The following TNFSF4 variants were observed in gnomAD, a reference collection of about 807,000 sequenced individuals.
TNFSF4 encodes the protein tumor necrosis factor ligand superfamily member 4.
Under a neutral mutation model 7.3 loss-of-function variants are expected in TNFSF4, and 4 were observed. The ratio of observed to expected loss-of-function variants is 0.55; its 90% CI spans 0.27 to 1.25. The LOEUF (loss-of-function observed/expected upper bound fraction) is 1.25. TNFSF4 is among the 50% of genes most tolerant of loss of function. The pLI, the probability that TNFSF4 is intolerant of heterozygous loss-of-function variation, is 0.12. For missense variants in TNFSF4, 181 were observed against 208.8 expected, an observed-to-expected ratio of 0.87 and a Z score of 0.82; for synonymous variants, 76 against 83.7, an observed-to-expected ratio of 0.91 and a Z score of 0.50.
chr1:173,231,229 T>C, the TNFSF4 span, among the ~76,000 whole-genome samples: 1 of 152,106 alleles, frequency 6.6e-6, no homozygotes, highest in South Asian at 2.1e-4. Context: ...CAGCAGCATA[T>C]CAAAGAGCTT....
At chr1:173,367,808 T>A in the TNFSF4 span, among the ~76,000 whole-genome samples, 2 of 152,080 alleles carry the variant, frequency 1.3e-5, no homozygotes, top group Non-Finnish European at 1.5e-5. Context: ...AACCCTAATG[T>A]GGCCTATGAG....
At chr1:173,177,507 GA>G in the TNFSF4 span, among the ~76,000 whole-genome samples, 1 of 152,066 alleles carries the variant, frequency 6.6e-6, no homozygotes, top group African/African-American at 2.4e-5. Context: ...CATGGGTGAC[GA>G]AAAAATCTGT....
the TNFSF4 span, among the ~76,000 whole-genome samples, chr1:173,357,422 A>G: frequency 2.6e-5 from 4 of 152,200 alleles, no homozygotes; most frequent in South Asian, 2.1e-4. Context: ...GCCTAGACCA[A>G]TAGCCTCATT....
At chr1:173,363,337 T>C in the TNFSF4 span, 8 of 297,350 alleles carry the variant, frequency 2.7e-5, no homozygotes, top group Admixed American at 3.4e-4. Context: ...ATTACATTTA[T>C]TTTCTGCAGC....
At chr1:173,310,839 T>C in the TNFSF4 span, among the ~76,000 whole-genome samples, 1 of 151,874 alleles carries the variant, frequency 6.6e-6, no homozygotes, top group South Asian at 2.1e-4. Context: ...TATTTCTTCA[T>C]GGTAAGTTGA....
At chr1:173,442,559 T>G in the TNFSF4 span, among the ~76,000 whole-genome samples, 101 of 144,392 alleles carry the variant, frequency 7.0e-4, no homozygotes, top group African/African-American at 2.4e-3. Context: ...TTGTTTTTTT[T>G]TTTTTTTTGA....
chr1:173,359,092 T>A, the TNFSF4 span, among the ~76,000 whole-genome samples: 1 of 152,248 alleles, frequency 6.6e-6, no homozygotes, highest in Non-Finnish European at 1.5e-5. Flanking sequence ...AAATTGATTA[T>A]CCCTTCCTGG....
chr1:173,281,937 C>T, the TNFSF4 span, among the ~76,000 whole-genome samples: 4 of 152,156 alleles, frequency 2.6e-5, no homozygotes, highest in Non-Finnish European at 4.4e-5. Context: ...GTGTGTCCAA[C>T]TCCCAGTCTT....
the TNFSF4 span, among the ~76,000 whole-genome samples, chr1:173,214,944 A>G: frequency 6.6e-6 from 1 of 152,204 alleles, no homozygotes; most frequent in South Asian, 2.1e-4. Context: ...TAACTGTACC[A>G]GACCACTCAA....
the TNFSF4 span, among the ~76,000 whole-genome samples, chr1:173,429,781 C>T: frequency 6.6e-6 from 1 of 152,218 alleles, no homozygotes; most frequent in Non-Finnish European, 1.5e-5. Flanking sequence ...TCTAATCCCC[C>T]TCATATATCC....
the TNFSF4 span, among the ~76,000 whole-genome samples, chr1:173,332,997 A>G: frequency 0.72 from 109,924 of 152,226 alleles, 39,731 homozygotes; most frequent in East Asian, 0.86. Flanking sequence ...GACACAACAC[A>G]AACAACCAGT....
Position 173,185,866 on chromosome 1 carries a change from G to A in TNFSF4, c.*650C>T, listed in dbSNP as rs1196193504. The stretch of plus-strand genomic sequence containing the variant: ...TCTATTAACTATGTTTGGAGGCTGG[G>A]AAAGCAAAATGGTAAAGAAAAAAAG... On this transcript the variant is annotated 3_prime_UTR_variant, in exon 3 of 3. Coordinates refer to ENST00000281834, the MANE Select transcript of TNFSF4 (RefSeq NM_003326.5). The A allele has an allele frequency of 6.7e-6, 1 of 150,160 alleles. No individual in the cohort carries two copies. Among genetic ancestry groups the A allele is most frequent in the African/African-American group, 2.4e-5 (1 of 41,340 alleles). The allele number at this position is 150,160 out of a possible 1,614,324, so 9.3% of individuals were successfully genotyped here.
the TNFSF4 span, among the ~76,000 whole-genome samples, chr1:173,406,548 T>G: frequency 2.6e-5 from 4 of 152,224 alleles, no homozygotes; most frequent in African/African-American, 9.7e-5. Context: ...AATTAAAATT[T>G]TTATTTTACA....
chr1:173,327,099 C>T, the TNFSF4 span, among the ~76,000 whole-genome samples: 1 of 152,188 alleles, frequency 6.6e-6, no homozygotes, highest in African/African-American at 2.4e-5. Context: ...AGGCATCATG[C>T]TACCTGACTT....
chr1:173,271,654 T>C, the TNFSF4 span, among the ~76,000 whole-genome samples: 1 of 152,078 alleles, frequency 6.6e-6, no homozygotes, highest in Admixed American at 6.5e-5. Flanking sequence ...TGAGATACCA[T>C]CTCACACCAG....
At chr1:173,430,130 C>T in the TNFSF4 span, among the ~76,000 whole-genome samples, 3 of 152,220 alleles carry the variant, frequency 2.0e-5, no homozygotes, top group Admixed American at 6.5e-5. Context: ...CAGCAGCCTA[C>T]GCAATGGAAC....
At chr1:173,419,941 T>G in the TNFSF4 span, among the ~76,000 whole-genome samples, 1 of 152,172 alleles carries the variant, frequency 6.6e-6, no homozygotes, top group African/African-American at 2.4e-5. Flanking sequence ...CCAAATGGAA[T>G]GCAGTTTGCC....
the TNFSF4 span, among the ~76,000 whole-genome samples, chr1:173,355,670 C>T: frequency 6.6e-6 from 1 of 152,238 alleles, no homozygotes; most frequent in African/African-American, 2.4e-5. Flanking sequence ...AACGCCCCCT[C>T]TTTGACCTAC....
chr1:173,262,728 G>A, the TNFSF4 span, among the ~76,000 whole-genome samples: 3 of 150,534 alleles, frequency 2.0e-5, no homozygotes, highest in South Asian at 2.1e-4. Context: ...TCAGCCTCCC[G>A]AGTAGCTGGG....
Sources: gnomAD v4.1 joint callset for allele counts (sites outside exome capture counted in the v4.1 genomes callset) on GRCh38, gnomAD v4.1.1 for gene constraint, MANE v1.5 for transcripts, NCBI Gene and HGNC (gene_info 2026-07-23, HGNC 2026-07-21) for gene names.